The following CA4 variants were observed in gnomAD, a reference collection of about 807,000 sequenced individuals.
CA4 encodes CA-IV.
A neutral mutation model predicts 34.5 loss-of-function variants in CA4; 24 were observed. The ratio of observed to expected loss-of-function variants is 0.70; its 90% CI spans 0.50 to 0.98. The LOEUF (loss-of-function observed/expected upper bound fraction) is 0.98, where lower values mean the gene tolerates loss of function less well. CA4 is among the 50% of genes least tolerant of loss of function. The pLI, the probability that CA4 is intolerant of heterozygous loss-of-function variation, is 0.00. For synonymous variants in CA4, 178 were observed against 170.6 expected (o/e 1.04, Z -0.34); for missense variants, 394 against 396.7 (o/e 0.99, Z 0.06).
chr17:60,174,473 G>A (rs1373176616), downstream of CA4, among the ~76,000 whole-genome samples: 5 of 151,558 alleles, frequency 3.3e-5, no homozygotes, highest in African/African-American at 7.3e-5. Flanking sequence ...GTCACATGGA[G>A]CCTTTAGATG....
downstream of CA4, among the ~76,000 whole-genome samples, chr17:60,160,530 G>T (rs1471366056): frequency 2.0e-5 from 3 of 152,070 alleles, no homozygotes; most frequent in Non-Finnish European, 4.4e-5. Context: ...TTGGGAAGCC[G>T]AGGCGGGCAG....
intron 1 of CA4, among the ~76,000 whole-genome samples, chr17:60,150,749 CTGCCCGTGGGT>C (rs2083577646): frequency 6.7e-6 from 1 of 148,834 alleles, no homozygotes; most frequent in Non-Finnish European, 1.5e-5. Flanking sequence ...CCTCCTCCGT[CTGCCCGTGGGT>C]TTCCGTCCGT....
At chr17:60,151,757 A>G (rs1567726790) in intron 1 of CA4, among the ~76,000 whole-genome samples, 1 of 152,080 alleles carries the variant, frequency 6.6e-6, no homozygotes, top group Non-Finnish European at 1.5e-5. Flanking sequence ...CTTTAGTGCC[A>G]AGGCTTTCTG....
intron 1 of CA4, among the ~76,000 whole-genome samples, chr17:60,153,953 C>T (rs775893277): frequency 1.6e-4 from 25 of 152,132 alleles, no homozygotes; most frequent in Non-Finnish European, 3.1e-4. Flanking sequence ...AGCAGCTCTT[C>T]GTGGCCAGTT....
chr17:60,159,305 C>T lies in CA4; in HGVS notation c.820C>T (p.Gln274Ter). 6.2e-7 allele frequency: 1 copy of T among 1,610,294 alleles called. No homozygotes were observed. The highest frequency in any genetic ancestry group is 8.5e-7 in the Non-Finnish European group (1 of 1,178,320). The change falls in exon 8 of 8, where the codon CAG becomes TAG. Residue 274 changes from glutamine to a stop codon, truncating the protein, a stop_gained. Coordinates refer to ENST00000300900, the MANE Select transcript of CA4 (RefSeq NM_000717.5). LOFTEE classifies it low-confidence loss of function (END_TRUNC). ...VSMKDNVRPL[Q>*]QLGQRTVIKS... ...CATGAAGGACAATGTCAGGCCCCTG[C>T]AGCAGCTGGGGCAGCGCACGGTGAT... is the stretch of plus-strand genomic sequence containing the variant.
intron 7 of CA4, chr17:60,158,770 A>T (rs2145280552): frequency 2.2e-6 from 1 of 448,492 alleles, no homozygotes; most frequent in South Asian, 2.3e-5. Flanking sequence ...TCATTCCAAA[A>T]CAGTGGTTCT....
chr17:60,174,897 C>T (rs1044833893), downstream of CA4, among the ~76,000 whole-genome samples: 1 of 152,194 alleles, frequency 6.6e-6, no homozygotes, highest in African/African-American at 2.4e-5. Flanking sequence ...TGAGCAATGC[C>T]ACCAAGTGGT....
At chr17:60,159,547 C>T (rs922136078), downstream of CA4, 2 of 1,141,458 alleles carry the variant, frequency 1.8e-6, no homozygotes, top group African/African-American at 1.5e-5. Flanking sequence ...TTTGGAGAAA[C>T]CTTTCTCAAG....
At chr17:60,166,777 C>T (rs778543450) in intron 5 of CA4, among the ~76,000 whole-genome samples, 14 of 152,058 alleles carry the variant, frequency 9.2e-5, no homozygotes, top group Middle Eastern at 6.8e-3. Flanking sequence ...GGCCACATGG[C>T]GAAACCCTGT....
At chr17:60,150,786 C>T (rs1002564791) in intron 1 of CA4, among the ~76,000 whole-genome samples, 2 of 151,878 alleles carry the variant, frequency 1.3e-5, no homozygotes, top group African/African-American at 4.8e-5. Context: ...TGGGACTCAG[C>T]GCTGGGTGAC....
intron 7 of CA4, 187 bp from the exon 8 acceptor site, chr17:60,159,043 C>T: frequency 3.1e-6 from 2 of 644,534 alleles, no homozygotes; most frequent in South Asian, 1.8e-5. Flanking sequence ...TAGCCTTCAC[C>T]CATGCCACGC....
At position 60,150,110 on chromosome 17, in the gene CA4, G is replaced by A. The variant is rs189605211; in HGVS notation, c.58+18G>A. 1.3e-6 allele frequency: 2 copies of A among 1,589,308 alleles called. No homozygotes were observed. The highest frequency in any genetic ancestry group is 1.7e-5 in the Admixed American group (1 of 59,558). On this transcript the variant is annotated intron_variant, in intron 1 of 7. Transcript: ENST00000300900. The stretch of plus-strand genomic sequence containing the variant: ...CAGTGCAGGTGAGCTCCCGGGCTCC[G>A]GCCCCAGGTGCCCCTCGGCGGTCCC...
Position 60,156,469 on chromosome 17 carries a change from T to G in CA4, c.113-91T>G. The stretch of plus-strand genomic sequence containing the variant: ...CCCCAAAGCGTTTCTGTGTGGGAAC[T>G]GAGTGGGTGGGCCTGACTTCAGTGG... On this transcript the variant is annotated intron_variant, in intron 2 of 7. Transcript: ENST00000300900. The G allele has an allele frequency of 1.5e-6, 2 of 1,298,760 alleles. 1 individual carries two copies. Among genetic ancestry groups the G allele is most frequent in the South Asian group, 2.4e-5 (2 of 84,538 alleles). 80.5% of individuals were successfully genotyped at this position (1,298,760 alleles called of 1,614,324 possible). A position where few individuals can be genotyped will look rare whatever the true frequency, so the allele number is the denominator to read the frequency against.
Position 60,159,397 on chromosome 17 carries a change from C to T in CA4, c.912C>T (p.Ala304=), listed in dbSNP as rs755070090. Residue 304 remains alanine, a synonymous_variant, in exon 8 of 8, where the codon GCC becomes GCT. Coordinates refer to ENST00000300900, the MANE Select transcript of CA4 (RefSeq NM_000717.5). ...ALPALLGPML[A]CLLAGFLR ...CTGCCCTGCTGGGCCCCATGCTGGCCTGCCTGCTGGCCGGCTTCCTGCGAT... is the reference window on the plus strand; with the variant it reads ...CTGCCCTGCTGGGCCCCATGCTGGCTTGCCTGCTGGCCGGCTTCCTGCGAT... 8 of 1,612,304 alleles carry T rather than the reference C, an allele frequency of 5.0e-6. No individual in the cohort carries two copies. The South Asian group carries it at 6.6e-5, about 13-fold the overall frequency.
intron 2 of CA4, 90 bp downstream of exon 2, chr17:60,155,457 G>A: frequency 2.9e-6 from 3 of 1,031,706 alleles, no homozygotes; most frequent in South Asian, 2.7e-5. Flanking sequence ...GGGAAGGGGA[G>A]GGGTGATGGT....
chr17:60,174,045 A>C (rs377082709), downstream of CA4, among the ~76,000 whole-genome samples: 11 of 152,216 alleles, frequency 7.2e-5, no homozygotes, highest in East Asian at 1.2e-3. Flanking sequence ...TGTTTCCTTA[A>C]GTGAGGGAAG....
intron 2 of CA4, 25 bp downstream of exon 2, chr17:60,155,392 T>C (rs756300398): frequency 1.3e-6 from 2 of 1,585,000 alleles, no homozygotes; most frequent in Non-Finnish European, 8.6e-7. Context: ...TCCAGGGGAC[T>C]GCTCTTTGTG....
intron 5 of CA4, among the ~76,000 whole-genome samples, chr17:60,164,793 G>C (rs1271718283): frequency 2.6e-5 from 4 of 151,948 alleles, no homozygotes; most frequent in Non-Finnish European, 5.9e-5. Context: ...CCAACTGTAG[G>C]GCAGGCAGAC....
chr17:60,150,188 T>A (rs2083564259), intron 1 of CA4, 96 bp downstream of exon 1: 1 of 1,054,484 alleles, frequency 9.5e-7, no homozygotes, highest in African/African-American at 1.6e-5. Flanking sequence ...GGGCGACCGG[T>A]GAGCGTCGGT....
Sources: gnomAD v4.1 joint callset for allele counts (sites outside exome capture counted in the v4.1 genomes callset) on GRCh38, gnomAD v4.1.1 for gene constraint, MANE v1.5 for transcripts, NCBI Gene and HGNC (gene_info 2026-07-23, HGNC 2026-07-21) for gene names.